ADGRG7: variants seen among roughly 807,000 people sequenced by gnomAD.
The protein encoded by ADGRG7 is G-protein coupled receptor 128.
In ADGRG7, 82 loss-of-function variants were observed where a neutral mutation model predicts 88.6. That is an observed-to-expected ratio of 0.93 (90% CI 0.77 to 1.11). The LOEUF (loss-of-function observed/expected upper bound fraction) is 1.11, where lower values mean the gene tolerates loss of function less well. Among genes scored for constraint, ADGRG7 ranks in the 50% most tolerant of loss-of-function variants. The pLI, the probability that ADGRG7 is intolerant of heterozygous loss-of-function variation, is 0.00. For synonymous variants in ADGRG7, 381 were observed against 345.2 expected (o/e 1.10, Z -1.15); for missense variants, 945 against 953.4 (o/e 0.99, Z 0.12).
At chr3:100,672,762 A>G (rs1426210163) in intron 15 of ADGRG7, among the ~76,000 whole-genome samples, 1 of 152,168 alleles carries the variant, frequency 6.6e-6, no homozygotes, top group Admixed American at 6.5e-5. Context: ...AAGTTTTAGC[A>G]TGATGGGGTG....
intron 15 of ADGRG7, among the ~76,000 whole-genome samples, chr3:100,691,718 T>TTTTTTTTTTTTTTTTTTTTTTGAGAC (rs1331420509): frequency 6.7e-6 from 1 of 149,946 alleles, no homozygotes; most frequent in Admixed American, 6.7e-5. Flanking sequence ...TATTCTTTTG[T>TTTTTTTTTTTTTTTTTTTTTTGAGAC]GGTGATGACT....
At position 100,669,099 on chromosome 3, in the gene ADGRG7, T is replaced by C. The variant is rs756584184; in HGVS notation, c.2130T>C (p.Thr710=). Reference sequence around the variant, plus strand: ...GCTACATATTCTGCCTTTTCAACACTACACAGGTATGGTGCGGATTAGTCT... The same window carrying C: ...GCTACATATTCTGCCTTTTCAACACCACACAGGTATGGTGCGGATTAGTCT... ...VFSYIFCLFN[T]TQGLQIFILY... is the part of the protein sequence containing the mutation. The change falls in exon 15 of 16, where the codon ACT becomes ACC. Residue 710 remains threonine (T), a synonymous_variant. Coordinates refer to ENST00000273352, the MANE Select transcript of ADGRG7 (RefSeq NM_032787.3). 27 of 1,580,708 alleles carry C rather than the reference T, an allele frequency of 1.7e-5. No homozygotes were observed. The highest frequency in any genetic ancestry group is 1.2e-4 in the African/African-American group (9 of 73,802).
intron 15 of ADGRG7, among the ~76,000 whole-genome samples, chr3:100,694,067 A>C (rs2094998239): frequency 6.6e-6 from 1 of 152,218 alleles, no homozygotes; most frequent in Admixed American, 6.5e-5. Context: ...TCTGAACTTT[A>C]GTTTCCTTAT....
At chr3:100,675,048 A>G (rs750658991) in intron 15 of ADGRG7, among the ~76,000 whole-genome samples, 2 of 152,056 alleles carry the variant, frequency 1.3e-5, no homozygotes, top group Non-Finnish European at 2.9e-5. Flanking sequence ...AAACGAGGAT[A>G]ATTTGATTTC....
At chr3:100,610,074 A>G (rs559170674) in intron 1 of ADGRG7, 103 bp downstream of exon 1, 34 of 879,508 alleles carry the variant, frequency 3.9e-5, no homozygotes, top group African/African-American at 3.7e-4. Context: ...GTCCAGTCTG[A>G]GGCATTCCAC....
At chr3:100,636,571 T>C (rs1707545069) in intron 5 of ADGRG7, among the ~76,000 whole-genome samples, 1 of 152,144 alleles carries the variant, frequency 6.6e-6, no homozygotes, top group South Asian at 2.1e-4. Context: ...ACTCACCTTG[T>C]GTATAGGTTG....
At chr3:100,657,267 G>A (rs1330267955) in intron 13 of ADGRG7, among the ~76,000 whole-genome samples, 1 of 152,162 alleles carries the variant, frequency 6.6e-6, no homozygotes, top group Non-Finnish European at 1.5e-5. Flanking sequence ...ATGCCATCAA[G>A]GGCCACATTT....
At position 100,620,437 on chromosome 3, in the gene ADGRG7, C is replaced by T. The variant is rs1707294863; in HGVS notation, c.116-9161C>T. On this transcript the variant is annotated intron_variant, in intron 1 of 15. Transcript: ENST00000273352. ...AATAATAAGAGTTATCTATGACAAA[C>T]CCACAGCTAACATCATACTGAATGG... Among the ~76,000 whole-genome samples the T allele has an allele frequency of 2.0e-5, 3 of 152,212 alleles. No homozygotes were observed. In the South Asian group the frequency reaches 6.2e-4, roughly 32 times the overall value.
In ADGRG7 at chr3:100,609,797, C is replaced by G. The variant is rs536396091; in HGVS notation, c.-60C>G. ...TAGTTTCCGATTAAACTTTTTAGCT[C>G]AAGAAGAAAAGAAGCTAGTTATTTC... On this transcript the variant is annotated 5_prime_UTR_variant, in exon 1 of 16. Transcript: ENST00000273352. The G allele has an allele frequency of 9.2e-6, 12 of 1,304,908 alleles. No homozygotes were observed. The African/African-American group carries it at 1.6e-4, about 17-fold the overall frequency. The allele number at this position is 1,304,908 out of a possible 1,614,324, so 80.8% of individuals were successfully genotyped here.
In ADGRG7 at chr3:100,659,805, G is replaced by A. The variant is rs375617780; in HGVS notation, c.1941G>A (p.Ser647=). 5.6e-6 allele frequency: 9 copies of A among 1,613,640 alleles called. No homozygotes were observed. Among genetic ancestry groups the A allele is most frequent in the East Asian group, 2.2e-5 (1 of 44,866 alleles). ...ATGTTGTTATGTTTATTACAATCTC[G>A]ATCAAAGTGCTGTGGAAGAATAACC... is the stretch of plus-strand genomic sequence containing the variant. ...ISNVVMFITI[S]IKVLWKNNQN... The change falls in exon 14 of 16, where the codon TCG becomes TCA. Residue 647 remains serine, a synonymous_variant. Transcript: ENST00000273352.
At chr3:100,615,210 G>A (rs1277460627) in intron 1 of ADGRG7, among the ~76,000 whole-genome samples, 1 of 152,108 alleles carries the variant, frequency 6.6e-6, no homozygotes, top group Non-Finnish European at 1.5e-5. Context: ...AGAATGAGGG[G>A]GTTGGGTTGA....
chr3:100,680,641 G>A (rs1472029022), intron 15 of ADGRG7, among the ~76,000 whole-genome samples: 2 of 151,912 alleles, frequency 1.3e-5, no homozygotes, highest in East Asian at 1.9e-4. Flanking sequence ...GTCAATTTAG[G>A]GATACATTAA....
chr3:100,655,398 A>G (rs1344670582), intron 12 of ADGRG7, among the ~76,000 whole-genome samples: 1 of 152,170 alleles, frequency 6.6e-6, no homozygotes, highest in African/African-American at 2.4e-5. Flanking sequence ...TCGTAAACTA[A>G]CTTAACTAAC....
At chr3:100,690,384 A>G (rs561811365) in intron 15 of ADGRG7, among the ~76,000 whole-genome samples, 26 of 152,296 alleles carry the variant, frequency 1.7e-4, no homozygotes, top group Non-Finnish European at 2.4e-4. Context: ...CGTCAAAGTC[A>G]TTCTCCATCC....
At chr3:100,675,320 A>T (rs1304020582) in intron 15 of ADGRG7, among the ~76,000 whole-genome samples, 1 of 152,100 alleles carries the variant, frequency 6.6e-6, no homozygotes, top group Non-Finnish European at 1.5e-5. Flanking sequence ...GTTGAATTTT[A>T]TAAAATTTTT....
At chr3:100,634,598 G>A (rs1269806239) in intron 4 of ADGRG7, among the ~76,000 whole-genome samples, 1 of 152,122 alleles carries the variant, frequency 6.6e-6, no homozygotes. Context: ...TCACAGATGG[G>A]CAGGGTAGGG....
chr3:100,627,272 A>T (rs977434235), intron 1 of ADGRG7, among the ~76,000 whole-genome samples: 1 of 152,172 alleles, frequency 6.6e-6, no homozygotes, highest in South Asian at 2.1e-4. Context: ...CTGAGAGTTT[A>T]AAAAAAGTGA....
intron 15 of ADGRG7, among the ~76,000 whole-genome samples, chr3:100,690,259 C>T (rs1300053304): frequency 1.3e-5 from 2 of 152,072 alleles, no homozygotes; most frequent in Non-Finnish European, 2.9e-5. Flanking sequence ...ATTGGTTATT[C>T]TAGTTAGCCA....
intron 1 of ADGRG7, among the ~76,000 whole-genome samples, chr3:100,625,093 G>T (rs1707364319): frequency 6.6e-6 from 1 of 152,162 alleles, no homozygotes. Flanking sequence ...GTAGTTTGAT[G>T]CGAATAGAAT....
Sources: gnomAD v4.1 joint callset for allele counts (sites outside exome capture counted in the v4.1 genomes callset) on GRCh38, gnomAD v4.1.1 for gene constraint, MANE v1.5 for transcripts, NCBI Gene and HGNC (gene_info 2026-07-23, HGNC 2026-07-21) for gene names.